TNR: variants seen among roughly 807,000 people sequenced by gnomAD.
The protein encoded by TNR is tenascin R, also known as tenascin-R.
Under a neutral mutation model 150.4 loss-of-function variants are expected in TNR, and 45 were observed. The ratio of observed to expected loss-of-function variants is 0.30; its 90% CI spans 0.24 to 0.38. The LOEUF is 0.38. TNR is among the 10% of genes least tolerant of loss of function. The pLI is 1.00. For synonymous variants in TNR, 687 were observed against 678.4 expected, an observed-to-expected ratio of 1.01 and a Z score of -0.20; for missense variants, 1,544 against 1,759.1, an observed-to-expected ratio of 0.88 and a Z score of 2.19.
chr1:175,387,979 G>T (rs1407127997), intron 7 of TNR, among the ~76,000 whole-genome samples: 1 of 152,244 alleles, frequency 6.6e-6, no homozygotes, highest in Non-Finnish European at 1.5e-5. Flanking sequence ...GACTTAAAAT[G>T]AAGTCCTGGT....
chr1:175,682,344 G>A (rs1666059359), intron 1 of TNR, among the ~76,000 whole-genome samples: 1 of 152,206 alleles, frequency 6.6e-6, no homozygotes, highest in Non-Finnish European at 1.5e-5. Flanking sequence ...TATGGAGTGG[G>A]GGTGACGATT....
At chr1:175,459,864 A>G (rs1307153149) in intron 2 of TNR, among the ~76,000 whole-genome samples, 1 of 88,896 alleles carries the variant, frequency 1.1e-5, no homozygotes, top group Non-Finnish European at 2.2e-5. Flanking sequence ...TATTGAAATG[A>G]AAGAACAAGA....
intron 1 of TNR, among the ~76,000 whole-genome samples, chr1:175,586,089 G>A (rs7536623): frequency 0.18 from 27,929 of 152,080 alleles, 4,395 homozygotes; most frequent in African/African-American, 0.43. Context: ...AGATGAGTAC[G>A]GGACTGGAAG....
chr1:175,485,246 A>G (rs1657961805), intron 2 of TNR, among the ~76,000 whole-genome samples: 1 of 152,162 alleles, frequency 6.6e-6, no homozygotes, highest in African/African-American at 2.4e-5. Context: ...CACTGAGTCC[A>G]CCATTAGGCA....
intron 2 of TNR, among the ~76,000 whole-genome samples, chr1:175,513,185 G>C (rs566041885): frequency 6.6e-6 from 1 of 152,130 alleles, no homozygotes; most frequent in African/African-American, 2.4e-5. Context: ...GTGCTTCTGC[G>C]TGGGCTGTCT....
intron 2 of TNR, among the ~76,000 whole-genome samples, chr1:175,499,222 G>T (rs1230266934): frequency 6.6e-6 from 1 of 152,182 alleles, no homozygotes; most frequent in Non-Finnish European, 1.5e-5. Context: ...AACTGAACAT[G>T]ACATCATCTT....
intron 1 of TNR, among the ~76,000 whole-genome samples, chr1:175,667,174 T>C (rs1459029279): frequency 6.6e-6 from 1 of 152,146 alleles, no homozygotes; most frequent in African/African-American, 2.4e-5. Context: ...CCATGACATC[T>C]TCCTTCACTC....
At chr1:175,376,193 C>T (rs1263113272) in intron 9 of TNR, among the ~76,000 whole-genome samples, 2 of 152,172 alleles carry the variant, frequency 1.3e-5, no homozygotes, top group African/African-American at 4.8e-5. Context: ...AGGCAAGGTT[C>T]TAAACCACTA....
chr1:175,609,563 G>A (rs1663528086), intron 1 of TNR, among the ~76,000 whole-genome samples: 1 of 152,166 alleles, frequency 6.6e-6, no homozygotes, highest in Admixed American at 6.5e-5. Flanking sequence ...TATCCAAGGT[G>A]TCATCCTTAG....
At chr1:175,428,933 A>AT (rs1452043164) in intron 2 of TNR, among the ~76,000 whole-genome samples, 11 of 101,488 alleles carry the variant, frequency 1.1e-4, no homozygotes, top group Non-Finnish European at 1.9e-4. Flanking sequence ...CTTTAAACTC[A>AT]TTTGGGACCT....
At chr1:175,633,913 C>A (rs1453098813) in intron 1 of TNR, among the ~76,000 whole-genome samples, 1 of 152,120 alleles carries the variant, frequency 6.6e-6, no homozygotes, top group Non-Finnish European at 1.5e-5. Flanking sequence ...AAGAGTCAGA[C>A]AAACCCAAGT....
At position 175,319,716 on chromosome 1, in the gene TNR, G is replaced by A. The variant is rs1161969181; in HGVS notation, c.*3641C>T. 1 of 152,260 alleles carries A rather than the reference G, an allele frequency of 6.6e-6. No individual in the cohort carries two copies. The highest frequency in any genetic ancestry group is 1.5e-5 in the Non-Finnish European group (1 of 68,052). The allele number at this position is 152,260 out of a possible 1,614,324, so 9.4% of individuals were successfully genotyped here. Reference sequence around the variant, plus strand: ...AATCAATCTCCCATACAAATCAGCTGGCCGGTTTTCCTGAGTCCTGGTTTG... The same window carrying A: ...AATCAATCTCCCATACAAATCAGCTAGCCGGTTTTCCTGAGTCCTGGTTTG... On this transcript the variant is annotated 3_prime_UTR_variant, in exon 23 of 23. Transcript: ENST00000367674.
rs1218986477 is a variant in TNR at position 175,608,818 on chromosome 1, A to G, written c.-164-80449T>C. Among the ~76,000 whole-genome samples, 3 of 152,356 alleles carry G rather than the reference A, an allele frequency of 2.0e-5. No individual in the cohort carries two copies. The South Asian group carries it at 6.2e-4, about 32-fold the overall frequency. The stretch of plus-strand genomic sequence containing the variant: ...TGCAAAGTAAAACAGCAAGACACCA[A>G]TTTTAACCTGTGGGAGTATCAAAAA... On this transcript the variant is annotated intron_variant, in intron 1 of 22. Transcript: ENST00000367674.
chr1:175,404,126 C>T (rs1266690657), intron 3 of TNR, among the ~76,000 whole-genome samples: 4 of 152,228 alleles, frequency 2.6e-5, no homozygotes, highest in Admixed American at 6.5e-5. Context: ...ATGCGAATCC[C>T]CCAGCCCCTC....
intron 1 of TNR, among the ~76,000 whole-genome samples, chr1:175,704,512 C>G (rs1178775179): frequency 6.6e-6 from 1 of 152,136 alleles, no homozygotes; most frequent in Admixed American, 6.5e-5. Context: ...AAGCAGTACC[C>G]CATTGCTGGA....
chr1:175,638,143 A>G (rs571168454), intron 1 of TNR, among the ~76,000 whole-genome samples: 4 of 152,182 alleles, frequency 2.6e-5, no homozygotes, highest in Non-Finnish European at 5.9e-5. Context: ...GAATGTCCCT[A>G]ATACCTGATG....
chr1:175,517,892 C>T (rs990195172), intron 2 of TNR, among the ~76,000 whole-genome samples: 7 of 152,128 alleles, frequency 4.6e-5, no homozygotes, highest in South Asian at 4.1e-4. Context: ...CTGCTCAGCA[C>T]GGAAACACCA....
chr1:175,619,785 C>T (rs1663910360), intron 1 of TNR, among the ~76,000 whole-genome samples: 2 of 152,196 alleles, frequency 1.3e-5, no homozygotes, highest in African/African-American at 2.4e-5. Flanking sequence ...CAAATATTTT[C>T]CTGCTTTTCC....
At chr1:175,506,865 A>G (rs1658976938) in intron 2 of TNR, among the ~76,000 whole-genome samples, 1 of 152,246 alleles carries the variant, frequency 6.6e-6, no homozygotes, top group Non-Finnish European at 1.5e-5. Flanking sequence ...GCCAGGCCTC[A>G]GTTAGGTGCC....
Sources: gnomAD v4.1 joint callset for allele counts (sites outside exome capture counted in the v4.1 genomes callset) on GRCh38, gnomAD v4.1.1 for gene constraint, MANE v1.5 for transcripts, NCBI Gene and HGNC (gene_info 2026-07-23, HGNC 2026-07-21) for gene names.